The following CCDC30 variants were observed in gnomAD, a reference collection of about 807,000 sequenced individuals.
The protein encoded by CCDC30 is coiled-coil domain containing 30.
CCDC30 carries 70 observed loss-of-function variants against 100.2 expected under a neutral mutation model. That is an observed-to-expected ratio of 0.70 (90% CI 0.58 to 0.85). The LOEUF (loss-of-function observed/expected upper bound fraction) is 0.85, where lower values mean the gene tolerates loss of function less well. CCDC30 is among the 40% of genes least tolerant of loss of function. CCDC30 has a pLI of 0.00. For synonymous variants in CCDC30, 233 were observed against 269.5 expected (o/e 0.86, Z 1.33); for missense variants, 652 against 771.2 (o/e 0.85, Z 1.83).
At position 42,644,730 on chromosome 1, in the gene CCDC30, GA is replaced by G. The variant is rs762111867; in HGVS notation, c.1598del (p.Asn533IlefsTer12). 4 of 1,612,778 alleles carry G rather than the reference GA, an allele frequency of 2.5e-6. No individual in the cohort carries two copies. The highest frequency in any genetic ancestry group is 1.3e-5 in the African/African-American group (1 of 74,866). On this transcript the variant is annotated frameshift_variant, in exon 14 of 17. Transcript: ENST00000668663. LOFTEE classifies it high-confidence loss of function. ...GGATAAAGAAAATAAGCAATTACAG[GA>G]AAATAGTCTTCGTCTCACACAGCAG...
chr1:42,560,271 A>G (rs1645459613), intron 6 of CCDC30, among the ~76,000 whole-genome samples: 1 of 152,222 alleles, frequency 6.6e-6, no homozygotes, highest in South Asian at 2.1e-4. Context: ...AGCTAGCAGA[A>G]GATAAGAAAT....
At chr1:42,545,306 T>C (rs1407847154) in intron 6 of CCDC30, 104 bp from the exon 9 acceptor site, 1 of 856,822 alleles carries the variant, frequency 1.2e-6, no homozygotes, top group Non-Finnish European at 1.7e-6. Flanking sequence ...TTTTATATTA[T>C]ATAAGCCAAT....
intron 15 of CCDC30, among the ~76,000 whole-genome samples, chr1:42,648,744 T>C (rs1256833367): frequency 6.7e-6 from 1 of 149,242 alleles, no homozygotes; most frequent in South Asian, 2.1e-4. Context: ...ATATAGAAGA[T>C]CAATGAAACA....
chr1:42,476,864 C>G (rs905798013), intron 1 of CCDC30, among the ~76,000 whole-genome samples: 1 of 148,124 alleles, frequency 6.8e-6, no homozygotes, highest in African/African-American at 2.5e-5. Context: ...ATTTCTTTTA[C>G]AAGAGTTCGT....
At chr1:42,457,080 G>A in the CCDC30 span, 2 of 1,586,484 alleles carry the variant, frequency 1.3e-6, no homozygotes, top group South Asian at 2.3e-5. Context: ...CTAGGTGCGT[G>A]CCCTAGGAGT....
At chr1:42,573,520 A>G (rs187046562) in intron 7 of CCDC30, among the ~76,000 whole-genome samples, 30 of 152,206 alleles carry the variant, frequency 2.0e-4, no homozygotes, top group African/African-American at 6.5e-4. Flanking sequence ...TTTCTATGCA[A>G]GTAATCATAT....
chr1:42,641,941 A>T (rs889321446), intron 12 of CCDC30, among the ~76,000 whole-genome samples: 1 of 152,150 alleles, frequency 6.6e-6, no homozygotes, highest in Non-Finnish European at 1.5e-5. Flanking sequence ...AATACATGAC[A>T]TGGGCTGGGC....
chr1:42,526,271 A>G (rs1360402197), intron 6 of CCDC30, among the ~76,000 whole-genome samples: 1 of 152,042 alleles, frequency 6.6e-6, no homozygotes, highest in Non-Finnish European at 1.5e-5. Flanking sequence ...GTTGTTTTAT[A>G]AGTATTTTTC....
chr1:42,567,552 T>G (rs1645632808), intron 7 of CCDC30, among the ~76,000 whole-genome samples: 1 of 152,224 alleles, frequency 6.6e-6, no homozygotes, highest in South Asian at 2.1e-4. Flanking sequence ...AAGGGAGTTC[T>G]CGTATTCCGG....
intron 6 of CCDC30, among the ~76,000 whole-genome samples, chr1:42,539,933 A>G (rs1052232824): frequency 6.8e-6 from 1 of 147,678 alleles, no homozygotes; most frequent in Non-Finnish European, 1.5e-5. Context: ...AAAAAAAAAA[A>G]GAAAAGGCTA....
chr1:42,470,713 A>G (rs1643742460), intron 1 of CCDC30, among the ~76,000 whole-genome samples: 1 of 152,224 alleles, frequency 6.6e-6, no homozygotes, highest in South Asian at 2.1e-4. Context: ...AAAAGGACAA[A>G]TATTGTATGA....
intron 7 of CCDC30, among the ~76,000 whole-genome samples, chr1:42,576,621 A>G (rs76660977): frequency 0.018 from 2,742 of 152,312 alleles, 37 homozygotes; most frequent in Non-Finnish European, 0.027. Context: ...AAAGAACAGC[A>G]GAGAGCTAAG....
intron 10 of CCDC30, among the ~76,000 whole-genome samples, chr1:42,605,105 A>G (rs1244238273): frequency 6.6e-6 from 1 of 152,168 alleles, no homozygotes; most frequent in African/African-American, 2.4e-5. Flanking sequence ...AACATTAATA[A>G]TACTTACCTT....
chr1:42,623,084 A>AT (rs1204791490), intron 11 of CCDC30, among the ~76,000 whole-genome samples: 3 of 152,042 alleles, frequency 2.0e-5, no homozygotes, highest in South Asian at 2.1e-4. Context: ...AGATTATTGG[A>AT]TTTTTTCCTA....
At chr1:42,592,260 A>T (rs1646200980) in intron 10 of CCDC30, 1 of 152,158 alleles carries the variant, frequency 6.6e-6, no homozygotes, top group African/African-American at 2.4e-5. Flanking sequence ...TTGGTTCTTT[A>T]TCCCCTCCAA....
chr1:42,460,217 A>C, upstream of CCDC30: 1 of 1,095,802 alleles, frequency 9.1e-7, no homozygotes, highest in Non-Finnish European at 1.1e-6. Flanking sequence ...CCATCTTTAT[A>C]CTATAGAAAA....
chr1:42,533,661 T>C (rs975159449), intron 6 of CCDC30, among the ~76,000 whole-genome samples: 2 of 152,240 alleles, frequency 1.3e-5, no homozygotes, highest in South Asian at 4.1e-4. Context: ...CGCTTCCACC[T>C]ACAGGTGATG....
intron 11 of CCDC30, among the ~76,000 whole-genome samples, chr1:42,628,402 T>C (rs771270814): frequency 2.0e-5 from 3 of 152,130 alleles, no homozygotes; most frequent in Non-Finnish European, 4.4e-5. Context: ...AATGCTGAAA[T>C]GAATGAAGAC....
intron 10 of CCDC30, among the ~76,000 whole-genome samples, chr1:42,606,881 T>C (rs915286595): frequency 1.3e-5 from 2 of 152,226 alleles, no homozygotes; most frequent in African/African-American, 4.8e-5. Context: ...TGAGGACCGT[T>C]ATAAAAAAAG....
Sources: gnomAD v4.1 joint callset for allele counts (sites outside exome capture counted in the v4.1 genomes callset) on GRCh38, gnomAD v4.1.1 for gene constraint, MANE v1.5 for transcripts, NCBI Gene and HGNC (gene_info 2026-07-23, HGNC 2026-07-21) for gene names.